The following ABCB5 variants were observed in gnomAD, a reference collection of about 807,000 sequenced individuals.
ABCB5 encodes ATP binding cassette subfamily B member 5, also known as ATP-binding cassette sub-family B member 5.
ABCB5 carries 155 observed loss-of-function variants against 144.2 expected under a neutral mutation model. The ratio of observed to expected loss-of-function variants is 1.08; its 90% CI spans 0.94 to 1.23. ABCB5 has a LOEUF of 1.23. Among genes scored for constraint, ABCB5 ranks in the 50% most tolerant of loss-of-function variants. The probability of loss-of-function intolerance (pLI) is 0.00; values close to 1 mark genes in which losing one functional copy is unlikely to be tolerated. For synonymous variants in ABCB5, 610 were observed against 528.6 expected (o/e 1.15, Z -2.11); for missense variants, 1,830 against 1,520.8 (o/e 1.20, Z -3.38).
intron 9 of ABCB5, 125 bp from the exon 10 acceptor site, chr7:20,647,410 C>T: frequency 7.2e-7 from 1 of 1,384,970 alleles, no homozygotes; most frequent in Non-Finnish European, 9.3e-7. Context: ...TCATATCTTC[C>T]ATTCTTTCTT....
Position 20,699,887 on chromosome 7 carries a change from C to T in ABCB5, c.2217C>T (p.Phe739=), listed in dbSNP as rs369169862. The change falls in exon 18 of 28, where the codon TTC becomes TTT. Residue 739 remains phenylalanine, a synonymous_variant. Transcript: ENST00000404938. ...ATGCAGAAATTTATTCCATGATATT[C>T]GTCATTTTGGGTGTTATTTGCTTTG... The part of the protein sequence containing the change: ...KHDAEIYSMI[F]VILGVICFVS... The T allele has an allele frequency of 1.7e-5, 28 of 1,612,572 alleles. No individual in the cohort carries two copies. In the African/African-American group the frequency reaches 2.3e-4, roughly 13 times the overall value.
chr7:20,745,321 C>G lies in ABCB5; in HGVS notation c.3312C>G (p.Asn1104Lys), dbSNP rs1782685674. 6.2e-7 allele frequency: 1 copy of G among 1,614,002 alleles called. No individual in the cohort carries two copies. Among genetic ancestry groups the G allele is most frequent in the Non-Finnish European group, 8.5e-7 (1 of 1,179,994 alleles). ...AIVPQEPVLF[N>K]CSIAENIAYG... Reference sequence around the variant, plus strand: ...TTCCTCAAGAGCCTGTGCTCTTCAACTGCAGCATTGCTGAGAACATCGCCT... The same window carrying G: ...TTCCTCAAGAGCCTGTGCTCTTCAAGTGCAGCATTGCTGAGAACATCGCCT... Residue 1104 changes from asparagine to lysine, a missense_variant, in exon 26 of 28, where the codon AAC (asparagine) becomes AAG (lysine). Transcript: ENST00000404938.
chr7:20,645,120 T>A (rs1270094972), intron 7 of ABCB5, among the ~76,000 whole-genome samples: 1 of 152,238 alleles, frequency 6.6e-6, no homozygotes, highest in Non-Finnish European at 1.5e-5. Flanking sequence ...GTCAGAGTTA[T>A]CCAAAGGATG....
intron 16 of ABCB5, among the ~76,000 whole-genome samples, chr7:20,690,997 AC>A (rs1374104928): frequency 2.2e-4 from 33 of 152,120 alleles, no homozygotes; most frequent in Non-Finnish European, 2.4e-4. Context: ...AAGAAACTGA[AC>A]AAAATATGTG....
chr7:20,744,311 G>T (rs563349840), intron 25 of ABCB5, among the ~76,000 whole-genome samples: 27 of 152,030 alleles, frequency 1.8e-4, no homozygotes, highest in Non-Finnish European at 2.4e-4. Context: ...CAAGTCATCT[G>T]CCCACCTCAG....
rs766449138 is a variant in ABCB5 at position 20,745,278 on chromosome 7, G to C, written c.3269G>C (p.Arg1090Pro). 1 of 1,613,858 alleles carries C rather than the reference G, an allele frequency of 6.2e-7. No homozygotes were observed. The highest frequency in any genetic ancestry group is 1.3e-5 in the African/African-American group (1 of 74,898). The change falls in exon 26 of 28, where the codon CGT becomes CCT. Residue 1090 changes from arginine to proline, a missense_variant. Coordinates refer to ENST00000404938, the MANE Select transcript of ABCB5 (RefSeq NM_001163941.2). The stretch of plus-strand genomic sequence containing the variant: ...AAAGAATTGAATGTACAGTGGCTCC[G>C]TTCCCAAATAGCAATCGTTCCTCAA... Reference protein sequence around the residue: ...DAKELNVQWLRSQIAIVPQEP... With the variant: ...DAKELNVQWLPSQIAIVPQEP...
chr7:20,710,750 A>T (rs1787001174), intron 20 of ABCB5, among the ~76,000 whole-genome samples: 1 of 150,102 alleles, frequency 6.7e-6, no homozygotes, highest in Admixed American at 6.7e-5. Flanking sequence ...TCTGAATGGG[A>T]TATTCAGACC....
At chr7:20,712,169 A>AAAAAAAAAAAAAAG (rs1787097840) in intron 20 of ABCB5, among the ~76,000 whole-genome samples, 1 of 136,242 alleles carries the variant, frequency 7.3e-6, no homozygotes, top group African/African-American at 2.8e-5. Context: ...AAAAAAAAAA[A>AAAAAAAAAAAAAAG]AAAAAAAAAA....
chr7:20,717,502 G>A (rs1409312244), intron 20 of ABCB5, among the ~76,000 whole-genome samples: 1 of 150,696 alleles, frequency 6.6e-6, no homozygotes, highest in Non-Finnish European at 1.5e-5. Context: ...GACTGCAGTG[G>A]CGTTATGTTG....
intron 14 of ABCB5, among the ~76,000 whole-genome samples, chr7:20,678,639 CA>C (rs556531321): frequency 4.0e-5 from 4 of 99,814 alleles, no homozygotes; most frequent in East Asian, 3.3e-4. Context: ...AAAACAAAAA[CA>C]AAAAAAAACA....
intron 20 of ABCB5, among the ~76,000 whole-genome samples, chr7:20,721,324 C>T (rs1322232192): frequency 2.6e-5 from 4 of 152,082 alleles, no homozygotes; most frequent in Non-Finnish European, 2.9e-5. Context: ...ACTTTTGTTT[C>T]CTCATCTATT....
At chr7:20,679,221 A>T (rs867444021) in intron 14 of ABCB5, among the ~76,000 whole-genome samples, 1 of 152,214 alleles carries the variant, frequency 6.6e-6, no homozygotes, top group African/African-American at 2.4e-5. Context: ...TAATCCCAGC[A>T]CTTTGGGATG....
At chr7:20,675,247 T>A (rs1481628348) in intron 14 of ABCB5, among the ~76,000 whole-genome samples, 1 of 152,046 alleles carries the variant, frequency 6.6e-6, no homozygotes, top group Non-Finnish European at 1.5e-5. Context: ...CAAAATACAT[T>A]ACAAAGTTAT....
chr7:20,642,457 C>T (rs1423664225), intron 5 of ABCB5, among the ~76,000 whole-genome samples: 1 of 152,186 alleles, frequency 6.6e-6, no homozygotes, highest in African/African-American at 2.4e-5. Flanking sequence ...CACTAGCTCT[C>T]CCAACCCATG....
intron 16 of ABCB5, among the ~76,000 whole-genome samples, chr7:20,694,304 T>C (rs1461005545): frequency 2.0e-5 from 3 of 151,966 alleles, no homozygotes; most frequent in African/African-American, 4.8e-5. Context: ...TTCTAAAAAC[T>C]GAAAAGTTGG....
At chr7:20,714,207 A>C (rs1781591189) in intron 20 of ABCB5, among the ~76,000 whole-genome samples, 1 of 152,154 alleles carries the variant, frequency 6.6e-6, no homozygotes, top group South Asian at 2.1e-4. Context: ...TTATTTCTAC[A>C]ATTGCATACT....
intron 4 of ABCB5, 53 bp from the exon 5 acceptor site, chr7:20,632,006 T>G: frequency 8.1e-7 from 1 of 1,234,712 alleles, no homozygotes; most frequent in South Asian, 1.5e-5. Flanking sequence ...TGTGTAACAG[T>G]GTGACCAATT....
intron 23 of ABCB5, among the ~76,000 whole-genome samples, chr7:20,736,360 G>T (rs1366179453): frequency 6.6e-6 from 1 of 152,044 alleles, no homozygotes; most frequent in Non-Finnish European, 1.5e-5. Context: ...TAGCATTACA[G>T]GTGTGTGCCA....
At position 20,685,956 on chromosome 7, in the gene ABCB5, A is replaced by C. The variant is rs542338072; in HGVS notation, c.2010+120A>C. 1.7e-5 allele frequency: 19 copies of C among 1,086,336 alleles called. No homozygotes were observed. In the South Asian group the frequency reaches 4.4e-4, roughly 25 times the overall value. 67.3% of individuals were successfully genotyped at this position (1,086,336 alleles called of 1,614,324 possible). A position where few individuals can be genotyped will look rare whatever the true frequency, so the allele number is the denominator to read the frequency against. On this transcript the variant is annotated intron_variant, in intron 16 of 27. Coordinates refer to ENST00000404938, the MANE Select transcript of ABCB5 (RefSeq NM_001163941.2). ...CTTACTGTAGCACTAAGCTCACAAA[A>C]CATGTCTTTCCCAAATTTCACTCTA...
Sources: allele counts gnomAD v4.1 joint callset (sites outside exome capture counted in the v4.1 genomes callset), GRCh38; gene constraint gnomAD v4.1.1; transcripts MANE v1.5; gene names NCBI Gene and HGNC (gene_info 2026-07-23, HGNC 2026-07-21).